Variants in TENM4 observed in about 807,000 individuals in gnomAD.
TENM4 encodes the protein teneurin-4.
A neutral mutation model predicts 243.3 loss-of-function variants in TENM4; 82 were observed. That is an observed-to-expected ratio of 0.34 (90% CI 0.28 to 0.40). The LOEUF is 0.40. Ranked by LOEUF, TENM4 falls within the 10% of genes least tolerant of loss-of-function variation. The probability of loss-of-function intolerance (pLI) is 1.00; values close to 1 mark genes in which losing one functional copy is unlikely to be tolerated. For missense variants in TENM4, 3,138 were observed against 3,673.3 expected, an observed-to-expected ratio of 0.85 and a Z score of 3.77; for synonymous variants, 1,412 against 1,456.3, an observed-to-expected ratio of 0.97 and a Z score of 0.69.
chr11:79,333,870 G>T (rs1265956061), intron 1 of TENM4, among the ~76,000 whole-genome samples: 1 of 152,220 alleles, frequency 6.6e-6, no homozygotes, highest in African/African-American at 2.4e-5. Context: ...GAGCTGAGAT[G>T]TGAGCTCAAG....
At chr11:78,935,960 C>A (rs544560901) in intron 6 of TENM4, among the ~76,000 whole-genome samples, 1 of 152,294 alleles carries the variant, frequency 6.6e-6, no homozygotes, top group African/African-American at 2.4e-5. Context: ...ACAGTGAGAT[C>A]TGTAAGGGCC....
intron 1 of TENM4, among the ~76,000 whole-genome samples, chr11:79,392,686 C>T (rs1858261051): frequency 6.6e-6 from 1 of 152,338 alleles, no homozygotes; most frequent in African/African-American, 2.4e-5. Flanking sequence ...TCTCTGCTAT[C>T]TACTTGCTGT....
chr11:78,660,858 C>T (rs1590919083), intron 33 of TENM4, among the ~76,000 whole-genome samples: 1 of 152,124 alleles, frequency 6.6e-6, no homozygotes, highest in Non-Finnish European at 1.5e-5. Flanking sequence ...AATTCTGAGT[C>T]TTTGAAATTG....
chr11:79,386,544 C>A lies in TENM4; in HGVS notation c.-321+53965G>T, dbSNP rs1222302960. On this transcript the variant is annotated intron_variant, in intron 1 of 33. Coordinates refer to ENST00000278550, the MANE Select transcript of TENM4 (RefSeq NM_001098816.3). Reference sequence around the variant, plus strand: ...GATGCCAGAATATATAAAGAATTCCCACAAATAATTAAGAAAAAAGCAGAC... The same window carrying A: ...GATGCCAGAATATATAAAGAATTCCAACAAATAATTAAGAAAAAAGCAGAC... 2.0e-5 allele frequency among the ~76,000 whole-genome samples: 3 copies of A among 151,784 alleles called. No individual in the cohort carries two copies. In the East Asian group the frequency reaches 5.8e-4, roughly 29 times the overall value.
At chr11:79,286,080 AAG>A (rs1411597761) in intron 2 of TENM4, among the ~76,000 whole-genome samples, 3 of 152,208 alleles carry the variant, frequency 2.0e-5, no homozygotes, top group Non-Finnish European at 2.9e-5. Context: ...GTATGCAAGA[AAG>A]AGGCTATAGG....
intron 3 of TENM4, chr11:79,191,941 G>C (rs1863511290): frequency 6.1e-6 from 1 of 162,938 alleles, no homozygotes; most frequent in Non-Finnish European, 1.3e-5. Context: ...CATCCAGGAG[G>C]GAGGTGGGGG....
At chr11:78,874,728 C>G (rs1859222753) in intron 9 of TENM4, among the ~76,000 whole-genome samples, 1 of 152,208 alleles carries the variant, frequency 6.6e-6, no homozygotes, top group Non-Finnish European at 1.5e-5. Flanking sequence ...GTGCCACACA[C>G]AGGCTGAGAC....
chr11:78,909,175 T>C (rs562175925), intron 6 of TENM4, among the ~76,000 whole-genome samples: 1 of 152,344 alleles, frequency 6.6e-6, no homozygotes, highest in African/African-American at 2.4e-5. Flanking sequence ...TTTGAGATGC[T>C]CATAGTCTAG....
intron 1 of TENM4, among the ~76,000 whole-genome samples, chr11:79,424,562 G>A (rs1315581888): frequency 2.0e-5 from 3 of 152,064 alleles, no homozygotes; most frequent in East Asian, 1.9e-4. Flanking sequence ...ATGCCCAGGA[G>A]GTCAAGGCTG....
intron 12 of TENM4, among the ~76,000 whole-genome samples, chr11:78,836,811 T>C (rs1483319595): frequency 6.6e-6 from 1 of 152,186 alleles, no homozygotes; most frequent in Non-Finnish European, 1.5e-5. Context: ...TGGCTAATGG[T>C]TTTAACTTAA....
At position 78,947,932 on chromosome 11, in the gene TENM4, T is replaced by C. The variant is rs1857034845; in HGVS notation, c.494-44409A>G. Among the ~76,000 whole-genome samples the C allele has an allele frequency of 2.0e-5, 3 of 152,176 alleles. No homozygotes were observed. The South Asian group carries it at 6.2e-4, about 32-fold the overall frequency. ...TCTGTATTCCAAGAGGCGAAGTCAA[T>C]GCTTGGTGTAAAGCATTGCTTGGTT... On this transcript the variant is annotated intron_variant, in intron 6 of 33. Transcript: ENST00000278550.
intron 1 of TENM4, among the ~76,000 whole-genome samples, chr11:79,422,979 C>A (rs1445296178): frequency 6.6e-6 from 1 of 152,156 alleles, no homozygotes; most frequent in Admixed American, 6.5e-5. Flanking sequence ...GAATTCTTTG[C>A]ATCCTGTCTT....
At chr11:78,974,916 C>T (rs187068556) in intron 6 of TENM4, among the ~76,000 whole-genome samples, 47 of 151,848 alleles carry the variant, frequency 3.1e-4, no homozygotes, top group African/African-American at 1.0e-3. Context: ...AACTCCTGAC[C>T]TTATATAATC....
At chr11:79,125,340 G>C (rs948958226) in intron 4 of TENM4, among the ~76,000 whole-genome samples, 4 of 152,146 alleles carry the variant, frequency 2.6e-5, no homozygotes, top group African/African-American at 9.7e-5. Flanking sequence ...TCCATCTCCT[G>C]GCTTCAGAAG....
intron 12 of TENM4, among the ~76,000 whole-genome samples, chr11:78,848,908 C>G (rs1858464163): frequency 6.6e-6 from 1 of 152,184 alleles, no homozygotes; most frequent in Admixed American, 6.5e-5. Context: ...AAAGAACAGA[C>G]TGATTTACAG....
At chr11:79,283,565 C>G (rs967102473) in intron 2 of TENM4, among the ~76,000 whole-genome samples, 1 of 152,126 alleles carries the variant, frequency 6.6e-6, no homozygotes, top group African/African-American at 2.4e-5. Context: ...AAATACTTAA[C>G]TTGATAGAGG....
intron 17 of TENM4, among the ~76,000 whole-genome samples, chr11:78,774,718 T>G (rs958549610): frequency 1.3e-5 from 2 of 152,182 alleles, no homozygotes; most frequent in Non-Finnish European, 2.9e-5. Flanking sequence ...TCCCCATTTA[T>G]AAAATAAGGA....
chr11:79,343,958 C>T (rs1345391465), intron 1 of TENM4, among the ~76,000 whole-genome samples: 2 of 152,208 alleles, frequency 1.3e-5, no homozygotes, highest in East Asian at 3.8e-4. Context: ...TCTTGGAAAT[C>T]CCAGATACTT....
At chr11:78,868,281 T>C (rs1859036512) in intron 9 of TENM4, among the ~76,000 whole-genome samples, 1 of 152,172 alleles carries the variant, frequency 6.6e-6, no homozygotes, top group African/African-American at 2.4e-5. Context: ...GTGCAAAACC[T>C]TCCTCAAGTA....
Sources: gnomAD v4.1 joint callset for allele counts (sites outside exome capture counted in the v4.1 genomes callset) on GRCh38, gnomAD v4.1.1 for gene constraint, MANE v1.5 for transcripts, NCBI Gene and HGNC (gene_info 2026-07-23, HGNC 2026-07-21) for gene names.